RAPGEF2: variants seen among roughly 807,000 people sequenced by gnomAD.
RAPGEF2 encodes the protein Rap guanine nucleotide exchange factor 2.
RAPGEF2 carries 54 observed loss-of-function variants against 186.7 expected under a neutral mutation model. The ratio of observed to expected loss-of-function variants is 0.29; its 90% CI spans 0.23 to 0.36. The LOEUF is 0.36. Among genes scored for constraint, RAPGEF2 ranks in the 10% least tolerant of loss-of-function variants. The pLI, the probability that RAPGEF2 is intolerant of heterozygous loss-of-function variation, is 1.00. For missense variants in RAPGEF2, 1,532 were observed against 2,045.0 expected (o/e 0.75, Z 4.84); for synonymous variants, 712 against 705.9 (o/e 1.01, Z -0.14).
intron 1 of RAPGEF2, among the ~76,000 whole-genome samples, chr4:159,154,815 C>T (rs1277945611): frequency 6.6e-6 from 1 of 152,112 alleles, no homozygotes; most frequent in Admixed American, 6.5e-5. Context: ...TGTTACTATA[C>T]TGCTTCTTAT....
chr4:159,243,678 CATT>C (rs1754277649), intron 6 of RAPGEF2, 93 bp from the exon 7 acceptor site: 1 of 797,420 alleles, frequency 1.3e-6, no homozygotes, highest in East Asian at 6.3e-5. Flanking sequence ...TTAATTTTAA[CATT>C]ATCTTCATTT....
chr4:159,260,805 A>G (rs531018984), intron 7 of RAPGEF2, among the ~76,000 whole-genome samples: 4 of 152,150 alleles, frequency 2.6e-5, no homozygotes, highest in African/African-American at 9.6e-5. Flanking sequence ...CTGGAGTGCA[A>G]TGGCGCGATC....
intron 4 of RAPGEF2, among the ~76,000 whole-genome samples, chr4:159,212,600 G>T (rs991177092): frequency 1.3e-5 from 2 of 151,972 alleles, no homozygotes; most frequent in African/African-American, 4.8e-5. Flanking sequence ...CTTCAAAAAA[G>T]ATTTACTCTT....
intron 7 of RAPGEF2, among the ~76,000 whole-genome samples, chr4:159,248,464 T>A (rs1260376665): frequency 6.6e-6 from 1 of 152,184 alleles, no homozygotes; most frequent in East Asian, 1.9e-4. Context: ...ATCGGCAGGT[T>A]TACTAGTTCC....
intron 4 of RAPGEF2, among the ~76,000 whole-genome samples, chr4:159,215,182 G>T (rs988337782): frequency 2.6e-5 from 4 of 151,270 alleles, no homozygotes; most frequent in Non-Finnish European, 4.4e-5. Flanking sequence ...TGTTTGTTTG[G>T]TTTTTAAAGA....
chr4:159,132,191 C>G (rs1369810236), intron 1 of RAPGEF2, among the ~76,000 whole-genome samples: 1 of 152,174 alleles, frequency 6.6e-6, no homozygotes, highest in African/African-American at 2.4e-5. Flanking sequence ...AAGCCTGTGT[C>G]TTGCACAGAA....
chr4:159,134,837 C>T (rs1480976400), intron 1 of RAPGEF2, among the ~76,000 whole-genome samples: 1 of 152,194 alleles, frequency 6.6e-6, no homozygotes, highest in African/African-American at 2.4e-5. Context: ...TTATCAACCT[C>T]AAAAAGAAAA....
chr4:159,156,275 C>T (rs1158464017), intron 1 of RAPGEF2, among the ~76,000 whole-genome samples: 2 of 152,130 alleles, frequency 1.3e-5, no homozygotes, highest in Non-Finnish European at 2.9e-5. Context: ...TCCCACAGCA[C>T]TTGAAATTGT....
intron 7 of RAPGEF2, among the ~76,000 whole-genome samples, chr4:159,293,169 A>G (rs1252232778): frequency 6.6e-6 from 1 of 152,198 alleles, no homozygotes; most frequent in Non-Finnish European, 1.5e-5. Context: ...AATTAAAATT[A>G]TTCCTTTGGG....
intron 1 of RAPGEF2, among the ~76,000 whole-genome samples, chr4:159,173,818 A>C (rs1343183203): frequency 6.6e-6 from 1 of 152,190 alleles, no homozygotes; most frequent in East Asian, 1.9e-4. Flanking sequence ...CTAACTTTTG[A>C]TGGAAAAAAC....
chr4:159,109,356 C>T (rs1738241176), intron 1 of RAPGEF2, among the ~76,000 whole-genome samples: 1 of 152,008 alleles, frequency 6.6e-6, no homozygotes, highest in Non-Finnish European at 1.5e-5. Context: ...TTGATTTAGA[C>T]TTAGGAGATA....
chr4:159,104,912 A>G (rs1391881234), intron 1 of RAPGEF2, among the ~76,000 whole-genome samples: 1 of 152,242 alleles, frequency 6.6e-6, no homozygotes, highest in African/African-American at 2.4e-5. Context: ...CTTTTAGTTT[A>G]AATTGCAGAC....
At chr4:159,243,894 T>G in intron 7 of RAPGEF2, 103 bp downstream of exon 7, 1 of 891,006 alleles carries the variant, frequency 1.1e-6, no homozygotes, top group South Asian at 1.4e-5. Context: ...TGCTTCGTCT[T>G]GTCCTTCTGT....
At position 159,333,546 on chromosome 4, in the gene RAPGEF2, T is replaced by C. The variant is rs548160602; in HGVS notation, c.2135+849T>C. ...CTCCTTTCATTTTTCCCAGTCAACT[T>C]AGTAGTCAGAATGTCAGGTGTATTC... On this transcript the variant is annotated intron_variant, in intron 17 of 29. Transcript: ENST00000691494. 7.9e-5 allele frequency among the ~76,000 whole-genome samples: 12 copies of C among 152,318 alleles called. No individual in the cohort carries two copies. The South Asian group carries it at 8.3e-4, about 11-fold the overall frequency.
At chr4:159,191,335 G>T (rs1748096029) in intron 2 of RAPGEF2, among the ~76,000 whole-genome samples, 1 of 152,162 alleles carries the variant, frequency 6.6e-6, no homozygotes, top group South Asian at 2.1e-4. Context: ...AGGACAGGTA[G>T]GATTCTGATA....
intron 7 of RAPGEF2, among the ~76,000 whole-genome samples, chr4:159,293,516 C>T (rs1761513608): frequency 6.6e-6 from 1 of 152,214 alleles, no homozygotes; most frequent in Non-Finnish European, 1.5e-5. Flanking sequence ...CCAAACTGCA[C>T]ACAGTCCCAT....
chr4:159,207,764 AT>A (rs906314736), intron 3 of RAPGEF2, among the ~76,000 whole-genome samples: 42 of 152,104 alleles, frequency 2.8e-4, no homozygotes, highest in African/African-American at 9.9e-4. Context: ...TTTACAGAGT[AT>A]TTTTTTTCCC....
At chr4:159,159,266 A>C (rs1051046152) in intron 1 of RAPGEF2, among the ~76,000 whole-genome samples, 1 of 152,198 alleles carries the variant, frequency 6.6e-6, no homozygotes, top group Non-Finnish European at 1.5e-5. Flanking sequence ...AACAAGTTGT[A>C]CCCTCAGATT....
At chr4:159,125,398 T>A (rs144651003) in intron 1 of RAPGEF2, among the ~76,000 whole-genome samples, 385 of 152,338 alleles carry the variant, frequency 2.5e-3, no homozygotes, top group African/African-American at 8.8e-3. Context: ...TATTCCGTTT[T>A]CTTTGTAATG....
Sources: gnomAD v4.1 joint callset for allele counts (sites outside exome capture counted in the v4.1 genomes callset) on GRCh38, gnomAD v4.1.1 for gene constraint, MANE v1.5 for transcripts, NCBI Gene and HGNC (gene_info 2026-07-23, HGNC 2026-07-21) for gene names.